The following XKR9 variants were observed in gnomAD, a reference collection of about 807,000 sequenced individuals.
The protein encoded by XKR9 is XK related 9, also known as XK-related protein 9.
In XKR9, 32 loss-of-function variants were observed where a neutral mutation model predicts 32.0. The ratio of observed to expected loss-of-function variants is 1.00; its 90% CI spans 0.76 to 1.34. The LOEUF is 1.34. XKR9 is among the 40% of genes most tolerant of loss of function. XKR9 has a pLI of 0.00. For synonymous variants in XKR9, 168 were observed against 143.4 expected, an observed-to-expected ratio of 1.17 and a Z score of -1.22; for missense variants, 546 against 429.7, an observed-to-expected ratio of 1.27 and a Z score of -2.39.
At chr8:70,859,494 G>C in the XKR9 span, among the ~76,000 whole-genome samples, 1 of 152,026 alleles carries the variant, frequency 6.6e-6, no homozygotes, top group African/African-American at 2.4e-5. Context: ...CCACTACTAG[G>C]CATTTATTTA....
chr8:70,727,035 A>C (rs1044172977), intron 4 of XKR9, among the ~76,000 whole-genome samples: 5 of 152,190 alleles, frequency 3.3e-5, no homozygotes, highest in Admixed American at 1.3e-4. Context: ...TTAATAATAT[A>C]AAAAAGACTG....
At chr8:70,810,440 A>G in the XKR9 span, among the ~76,000 whole-genome samples, 36 of 152,340 alleles carry the variant, frequency 2.4e-4, no homozygotes, top group African/African-American at 8.4e-4. Context: ...ACACATAACA[A>G]CATTAACTTT....
chr8:70,897,135 T>C, the XKR9 span, among the ~76,000 whole-genome samples: 1 of 152,166 alleles, frequency 6.6e-6, no homozygotes, highest in Non-Finnish European at 1.5e-5. Flanking sequence ...GAACATGTGA[T>C]GTTTGTCTTT....
chr8:71,046,963 C>T, the XKR9 span, among the ~76,000 whole-genome samples: 2 of 152,160 alleles, frequency 1.3e-5, no homozygotes, highest in Non-Finnish European at 1.5e-5. Flanking sequence ...TGGCCTCTAA[C>T]ATGAGGTCTG....
At chr8:70,775,926 TG>T (rs1162926872) in intron 2 of XKR9, among the ~76,000 whole-genome samples, 14 of 152,018 alleles carry the variant, frequency 9.2e-5, no homozygotes, top group Non-Finnish European at 2.1e-4. Context: ...TAAATTTTTT[TG>T]TCGAGATGGG....
intron 3 of XKR9, among the ~76,000 whole-genome samples, chr8:70,701,166 C>T (rs529414812): frequency 8.5e-5 from 13 of 152,330 alleles, no homozygotes; most frequent in South Asian, 2.1e-4. Context: ...CGCCCTGCTT[C>T]GGCTCGTGCA....
At chr8:70,815,698 TG>T in the XKR9 span, among the ~76,000 whole-genome samples, 1 of 151,916 alleles carries the variant, frequency 6.6e-6, no homozygotes, top group Admixed American at 6.6e-5. Context: ...GCTAACTTTT[TG>T]CATTTTTAGT....
chr8:71,021,462 AT>A, the XKR9 span, among the ~76,000 whole-genome samples: 2 of 127,422 alleles, frequency 1.6e-5, no homozygotes, highest in African/African-American at 2.9e-5. Context: ...ATTTTTTCCC[AT>A]TTTGTAGGTT....
intron 2 of XKR9, among the ~76,000 whole-genome samples, chr8:70,677,010 A>G (rs1818909081): frequency 6.6e-6 from 1 of 152,238 alleles, no homozygotes; most frequent in Non-Finnish European, 1.5e-5. Context: ...ATTTAAAATC[A>G]TTTAAAGCAA....
intron 3 of XKR9, among the ~76,000 whole-genome samples, chr8:70,688,715 C>CTTTTTTT (rs11450447): frequency 6.9e-6 from 1 of 144,830 alleles, no homozygotes; most frequent in Non-Finnish European, 1.5e-5. Flanking sequence ...TGTGCCTGTC[C>CTTTTTTT]TTTTTTTTTT....
chr8:71,011,867 G>A, the XKR9 span, among the ~76,000 whole-genome samples: 10 of 152,256 alleles, frequency 6.6e-5, no homozygotes, highest in African/African-American at 2.2e-4. Context: ...TACACATTTC[G>A]CAGCTAGGTA....
the XKR9 span, among the ~76,000 whole-genome samples, chr8:70,826,277 T>C: frequency 1.3e-5 from 2 of 152,142 alleles, no homozygotes; most frequent in African/African-American, 4.8e-5. Context: ...AAATTTGAAC[T>C]AATCAGTTTG....
chr8:70,847,322 C>A, the XKR9 span, among the ~76,000 whole-genome samples: 6 of 151,772 alleles, frequency 4.0e-5, no homozygotes, highest in Non-Finnish European at 7.4e-5. Context: ...TTTGCCAAAA[C>A]CTATGGGATA....
chr8:70,880,321 G>A, the XKR9 span, among the ~76,000 whole-genome samples: 43 of 152,276 alleles, frequency 2.8e-4, no homozygotes, highest in African/African-American at 1.0e-3. Flanking sequence ...TTGGAAATGA[G>A]GAAGTCAAAT....
At chr8:70,682,533 C>T (rs1420385276) in intron 3 of XKR9, among the ~76,000 whole-genome samples, 1 of 152,162 alleles carries the variant, frequency 6.6e-6, no homozygotes, top group East Asian at 1.9e-4. Context: ...TCTCTTGATA[C>T]ACCTAGTAAT....
chr8:70,993,783 T>G, the XKR9 span, among the ~76,000 whole-genome samples: 1 of 152,090 alleles, frequency 6.6e-6, no homozygotes, highest in East Asian at 1.9e-4. Flanking sequence ...AGTCTCTTTT[T>G]CCTGTGAGTT....
the XKR9 span, among the ~76,000 whole-genome samples, chr8:70,944,817 G>A: frequency 1.3e-5 from 2 of 152,184 alleles, no homozygotes; most frequent in Non-Finnish European, 2.9e-5. Context: ...TGGCATACAA[G>A]CATATACACA....
intron 4 of XKR9, among the ~76,000 whole-genome samples, chr8:70,722,049 T>C (rs781426864): frequency 1.3e-5 from 2 of 152,208 alleles, no homozygotes; most frequent in Admixed American, 6.5e-5. Context: ...TACCAATATG[T>C]AATGCCCTTC....
intron 3 of XKR9, among the ~76,000 whole-genome samples, chr8:70,704,396 C>G (rs1418742392): frequency 6.6e-6 from 1 of 152,120 alleles, no homozygotes; most frequent in African/African-American, 2.4e-5. Flanking sequence ...CATTTGTAGA[C>G]AGCACTATCT....
Sources: gnomAD v4.1 joint callset for allele counts (sites outside exome capture counted in the v4.1 genomes callset) on GRCh38, gnomAD v4.1.1 for gene constraint, MANE v1.5 for transcripts, NCBI Gene and HGNC (gene_info 2026-07-23, HGNC 2026-07-21) for gene names.